Variants in CAMK1D observed in about 807,000 individuals in gnomAD.
The protein encoded by CAMK1D is calcium/calmodulin dependent protein kinase ID, also known as calcium/calmodulin-dependent protein kinase type 1D.
Under a neutral mutation model 47.7 loss-of-function variants are expected in CAMK1D, and 9 were observed. That is an observed-to-expected ratio of 0.19 (90% confidence interval 0.11 to 0.33). The LOEUF (loss-of-function observed/expected upper bound fraction) is 0.33, where lower values mean the gene tolerates loss of function less well. Ranked by LOEUF, CAMK1D falls within the 10% of genes least tolerant of loss-of-function variation. The pLI is 1.00. For missense variants in CAMK1D, 291 were observed against 488.7 expected, an observed-to-expected ratio of 0.60 and a Z score of 3.81; for synonymous variants, 184 against 184.9, an observed-to-expected ratio of 0.99 and a Z score of 0.04.
At chr10:12,439,461 T>C (rs1161779454) in intron 1 of CAMK1D, among the ~76,000 whole-genome samples, 1 of 152,150 alleles carries the variant, frequency 6.6e-6, no homozygotes, top group African/African-American at 2.4e-5. Context: ...GATATGCATG[T>C]TATTGTTTGC....
intron 1 of CAMK1D, among the ~76,000 whole-genome samples, chr10:12,353,721 C>G (rs193007785): frequency 1.2e-4 from 19 of 152,242 alleles, no homozygotes; most frequent in African/African-American, 3.9e-4. Flanking sequence ...AAAAGGGAAT[C>G]CCAGAACATA....
At chr10:12,379,133 G>A (rs1838272012) in intron 1 of CAMK1D, among the ~76,000 whole-genome samples, 1 of 152,112 alleles carries the variant, frequency 6.6e-6, no homozygotes, top group Admixed American at 6.6e-5. Flanking sequence ...TTTTAGTAGA[G>A]CAAGAAAATC....
chr10:12,414,771 T>TA (rs1386937454), intron 1 of CAMK1D, among the ~76,000 whole-genome samples: 3 of 152,220 alleles, frequency 2.0e-5, no homozygotes, highest in Non-Finnish European at 4.4e-5. Context: ...TCCTAGCTTT[T>TA]TGCCTTGATT....
At chr10:12,608,322 G>A (rs1838523608) in intron 2 of CAMK1D, among the ~76,000 whole-genome samples, 1 of 152,218 alleles carries the variant, frequency 6.6e-6, no homozygotes, top group Non-Finnish European at 1.5e-5. Context: ...GTAGGCTGAG[G>A]CAAGAGAATC....
chr10:12,785,954 G>A lies in CAMK1D; in HGVS notation c.566-5204G>A, dbSNP rs111262191. Among the ~76,000 whole-genome samples the A allele has an allele frequency of 1.9e-3, 295 of 152,306 alleles. 1 individual carries two copies. Among genetic ancestry groups the A allele is most frequent in the African/African-American group, 6.6e-3 (273 of 41,574 alleles). ...AGAGAACATCCTCGTGGATCTCCAC[G>A]GTTTGGCCCGGTTTGGCCACCATAT... On this transcript the variant is annotated intron_variant, in intron 5 of 10. Coordinates refer to ENST00000619168, the MANE Select transcript of CAMK1D (RefSeq NM_153498.4).
At chr10:12,503,867 C>T (rs932172586) in intron 1 of CAMK1D, among the ~76,000 whole-genome samples, 2 of 152,030 alleles carry the variant, frequency 1.3e-5, no homozygotes, top group Non-Finnish European at 2.9e-5. Flanking sequence ...TTAAAAAGTT[C>T]GAGTTCTTAG....
chr10:12,623,646 C>G (rs1839115703), intron 2 of CAMK1D, among the ~76,000 whole-genome samples: 1 of 151,656 alleles, frequency 6.6e-6, no homozygotes, highest in Non-Finnish European at 1.5e-5. Context: ...AAATGGTTGC[C>G]CTGGAGAATT....
chr10:12,749,152 G>C (rs1002962499), intron 3 of CAMK1D, among the ~76,000 whole-genome samples: 1 of 152,102 alleles, frequency 6.6e-6, no homozygotes, highest in Non-Finnish European at 1.5e-5. Context: ...GTGATGCCTG[G>C]GAGCTATTCA....
chr10:12,689,251 C>T (rs188777766), intron 3 of CAMK1D, among the ~76,000 whole-genome samples: 41 of 152,300 alleles, frequency 2.7e-4, no homozygotes, highest in African/African-American at 9.9e-4. Context: ...CTCCTGCCCA[C>T]CCCTGCTCTT....
chr10:12,518,534 G>C lies in CAMK1D; in HGVS notation c.93-34691G>C, dbSNP rs1431509505. Among the ~76,000 whole-genome samples the C allele has an allele frequency of 5.9e-5, 2 of 34,086 alleles. 1 individual carries two copies. The highest frequency in any genetic ancestry group is 1.4e-4 in the Non-Finnish European group (2 of 14,714). The allele number at this position is 34,086 out of a possible 152,430, so 22.4% of individuals were successfully genotyped here. On this transcript the variant is annotated intron_variant, in intron 1 of 10. Transcript: ENST00000619168. ...TGATCATTCTTGGGTGTTTCTCGCAGAGGGGGATTTGGCAGGGTCACAGGA... is the reference window on the plus strand; with the variant it reads ...TGATCATTCTTGGGTGTTTCTCGCACAGGGGGATTTGGCAGGGTCACAGGA...
intron 1 of CAMK1D, among the ~76,000 whole-genome samples, chr10:12,485,190 G>A (rs964372375): frequency 5.3e-5 from 8 of 152,178 alleles, no homozygotes; most frequent in South Asian, 2.1e-4. Flanking sequence ...TATTTTTAGC[G>A]AACATGGCTA....
chr10:12,501,164 T>C (rs546579357), intron 1 of CAMK1D, among the ~76,000 whole-genome samples: 106 of 152,358 alleles, frequency 7.0e-4, no homozygotes, highest in African/African-American at 2.4e-3. Flanking sequence ...AACTTGGTAG[T>C]CCCAGCCTAA....
At chr10:12,422,950 G>A (rs1840108046) in intron 1 of CAMK1D, among the ~76,000 whole-genome samples, 1 of 152,130 alleles carries the variant, frequency 6.6e-6, no homozygotes, top group South Asian at 2.1e-4. Flanking sequence ...TGGAGTTACA[G>A]GCGTGAGCCA....
At chr10:12,466,571 C>G (rs1427550168) in intron 1 of CAMK1D, among the ~76,000 whole-genome samples, 3 of 148,430 alleles carry the variant, frequency 2.0e-5, no homozygotes, top group Non-Finnish European at 4.4e-5. Flanking sequence ...GGAGACAGGG[C>G]AAGACCCTGT....
At position 12,668,521 on chromosome 10, in the gene CAMK1D, C is replaced by T. The variant is rs75534433; in HGVS notation, c.299+1711C>T. Among the ~76,000 whole-genome samples, 779 of 152,092 alleles carry T rather than the reference C, an allele frequency of 5.1e-3. 8 individuals carry two copies. The highest frequency in any genetic ancestry group is 0.017 in the African/African-American group (695 of 41,490). On this transcript the variant is annotated intron_variant, in intron 3 of 10. Coordinates refer to ENST00000619168, the MANE Select transcript of CAMK1D (RefSeq NM_153498.4). ...ATAACTGGGCTCTGAGTATCAGTTT[C>T]GATAATGGGAAAATGGGGATAATAA...
chr10:12,382,005 C>T (rs1404491007), intron 1 of CAMK1D, among the ~76,000 whole-genome samples: 1 of 152,138 alleles, frequency 6.6e-6, no homozygotes, highest in Non-Finnish European at 1.5e-5. Flanking sequence ...AGTCCATTTT[C>T]CTTGGAAACT....
At chr10:12,553,816 T>C (rs11592529) in intron 2 of CAMK1D, among the ~76,000 whole-genome samples, 47,913 of 152,186 alleles carry the variant, frequency 0.31, 7,972 homozygotes, top group Non-Finnish European at 0.37. Context: ...GCCACCGCTG[T>C]GAGTACTGTT....
In CAMK1D at chr10:12,810,237, G is replaced by C. The variant is rs138582661; in HGVS notation, c.642-3958G>C. On this transcript the variant is annotated intron_variant, in intron 6 of 10. Transcript: ENST00000619168. The stretch of plus-strand genomic sequence containing the variant: ...AATAAAATATAACAGTCACTGCCTG[G>C]TGTCCCATGTGGCTGTGGCTGGTAC... 1.7e-3 allele frequency among the ~76,000 whole-genome samples: 251 copies of C among 147,882 alleles called. 1 individual carries two copies. Among genetic ancestry groups the C allele is most frequent in the African/African-American group, 6.0e-3 (240 of 39,944 alleles).
intron 1 of CAMK1D, among the ~76,000 whole-genome samples, chr10:12,552,613 C>T (rs1836621574): frequency 6.6e-6 from 1 of 152,202 alleles, no homozygotes. Context: ...TTGTTGGCTC[C>T]AAAGTGACGC....
Sources: gnomAD v4.1 joint callset for allele counts (sites outside exome capture counted in the v4.1 genomes callset) on GRCh38, gnomAD v4.1.1 for gene constraint, MANE v1.5 for transcripts, NCBI Gene and HGNC (gene_info 2026-07-23, HGNC 2026-07-21) for gene names.